The following SLC30A9 variants were observed in gnomAD, a reference collection of about 807,000 sequenced individuals.
SLC30A9 encodes solute carrier family 30 member 9, also known as proton-coupled zinc antiporter SLC30A9, mitochondrial.
Under a neutral mutation model 87.5 loss-of-function variants are expected in SLC30A9, and 58 were observed. The ratio of observed to expected loss-of-function variants is 0.66; its 90% CI spans 0.54 to 0.82. The LOEUF (loss-of-function observed/expected upper bound fraction) is 0.82. SLC30A9 is among the 40% of genes least tolerant of loss of function. The pLI, the probability that SLC30A9 is intolerant of heterozygous loss-of-function variation, is 0.00. For missense variants in SLC30A9, 557 were observed against 679.1 expected, an observed-to-expected ratio of 0.82 and a Z score of 2.00; for synonymous variants, 234 against 233.0, an observed-to-expected ratio of 1.00 and a Z score of -0.04.
chr4:42,005,610 G>A (rs1224731085), intron 2 of SLC30A9, among the ~76,000 whole-genome samples: 2 of 152,170 alleles, frequency 1.3e-5, no homozygotes, highest in African/African-American at 4.8e-5. Context: ...TCTGGAGGTA[G>A]AAATAAGCTC....
rs375743766 is a variant in SLC30A9, at chr4:42,015,561, T to G, written c.275-2550T>G. Among the ~76,000 whole-genome samples, 5 of 152,200 alleles carry G rather than the reference T, an allele frequency of 3.3e-5. No homozygotes were observed. The East Asian group carries it at 9.6e-4, about 29-fold the overall frequency. On this transcript the variant is annotated intron_variant, in intron 2 of 17. Coordinates refer to ENST00000264451, the MANE Select transcript of SLC30A9 (RefSeq NM_006345.4). ...TTCATTCCATGTTTTCAGAGACTTA[T>G]ATTCTGGATCCCCTACTACCCCATC...
chr4:42,029,417 ACCACATATCAGGAC>A lies in SLC30A9; in HGVS notation c.611-5855_611-5842del, dbSNP rs1258133176. Reference sequence around the variant, plus strand: ...AGTGAATTTAAACCCACATATCAGAACCACATATCAGGACCCCCACCAGGATTAACACAGATTTC... The same window carrying A: ...AGTGAATTTAAACCCACATATCAGAACCCCACCAGGATTAACACAGATTTC... On this transcript the variant is annotated intron_variant, in intron 6 of 17. Transcript: ENST00000264451. 6.6e-5 allele frequency: 39 copies of A among 587,160 alleles called. 1 individual carries two copies. Among genetic ancestry groups the A allele is most frequent in the South Asian group, 5.2e-4 (34 of 65,240 alleles). The allele number at this position is 587,160 out of a possible 1,614,324, so 36.4% of individuals were successfully genotyped here. A position where few individuals can be genotyped will look rare whatever the true frequency, so the allele number is the denominator to read the frequency against.
At chr4:42,084,890 T>G (rs1421251975) in intron 17 of SLC30A9, among the ~76,000 whole-genome samples, 2 of 152,218 alleles carry the variant, frequency 1.3e-5, no homozygotes, top group East Asian at 3.8e-4. Context: ...CTACCAAACG[T>G]AAGTCCACTG....
intron 2 of SLC30A9, among the ~76,000 whole-genome samples, chr4:42,003,163 G>A (rs1228843281): frequency 6.6e-6 from 1 of 151,922 alleles, no homozygotes; most frequent in Non-Finnish European, 1.5e-5. Context: ...TTATCTTTTT[G>A]TATTTAATGT....
At chr4:42,022,570 T>TA (rs1716017730) in intron 4 of SLC30A9, among the ~76,000 whole-genome samples, 2 of 152,184 alleles carry the variant, frequency 1.3e-5, no homozygotes, top group African/African-American at 4.8e-5. Context: ...CCATAGCAGA[T>TA]ACAAATACAA....
intron 1 of SLC30A9, among the ~76,000 whole-genome samples, chr4:41,995,452 G>A (rs990717314): frequency 6.6e-5 from 10 of 152,076 alleles, no homozygotes; most frequent in African/African-American, 2.2e-4. Context: ...AGTGCTGAAC[G>A]AGGTGGATGG....
chr4:42,079,376 C>T (rs1238388070), intron 17 of SLC30A9, among the ~76,000 whole-genome samples: 3 of 151,622 alleles, frequency 2.0e-5, no homozygotes. Flanking sequence ...TCACTGTAAC[C>T]TCCGTCTCCT....
At chr4:42,019,224 G>A (rs541269195) in intron 3 of SLC30A9, among the ~76,000 whole-genome samples, 107 of 152,238 alleles carry the variant, frequency 7.0e-4, no homozygotes, top group Non-Finnish European at 2.1e-4. Flanking sequence ...AGAACATGAA[G>A]TGAATAGATG....
At position 42,087,486 on chromosome 4, in the gene SLC30A9, A is replaced by G. The variant is rs1718963604; in HGVS notation, c.*1360A>G. On this transcript the variant is annotated 3_prime_UTR_variant, in exon 18 of 18. Transcript: ENST00000264451. ...AATCTATGAATTATTGCAAATTGTA[A>G]TGCTGGAAACAAAAAATAAATCCTT... 1 of 152,154 alleles carries G rather than the reference A, an allele frequency of 6.6e-6. No homozygotes were observed. The highest frequency in any genetic ancestry group is 2.1e-4 in the South Asian group (1 of 4,832). 9.4% of individuals were successfully genotyped at this position (152,154 alleles called of 1,614,324 possible).
Position 42,049,462 on chromosome 4 carries a change from T to C in SLC30A9, c.823T>C (p.Ser275Pro), listed in dbSNP as rs538043925. The change falls in exon 9 of 18, where the codon TCT (serine) becomes CCT (proline). Residue 275 changes from serine to proline, a missense_variant. Ser to Pro is a moderately conservative substitution (Grantham distance 74). Around this residue, in one of 2 missense-constraint regions of SLC30A9, gnomAD observed 467 missense variants for 529.8 expected, o/e 0.88. Transcript: ENST00000264451. ...GTTCTCAGAAGCTATACACTCATTA[T>C]CTGATACTTGTAATCAGGTGAGGAC... ...SMFSEAIHSL[S>P]DTCNQGLLAL... 1.3e-6 allele frequency: 2 copies of C among 1,584,756 alleles called. No individual in the cohort carries two copies. Among genetic ancestry groups the C allele is most frequent in the South Asian group, 2.3e-5 (2 of 87,510 alleles).
intron 9 of SLC30A9, among the ~76,000 whole-genome samples, chr4:42,058,682 C>T (rs1217546489): frequency 1.3e-5 from 2 of 152,218 alleles, no homozygotes; most frequent in African/African-American, 4.8e-5. Context: ...AAAGGCACGT[C>T]TCACATGGTG....
At chr4:42,060,141 A>G in intron 9 of SLC30A9, 50 bp from the exon 10 acceptor site, 1 of 1,404,546 alleles carries the variant, frequency 7.1e-7, no homozygotes, top group Non-Finnish European at 1.0e-6. Context: ...ACCATATTAT[A>G]CTCTCCATCT....
At chr4:42,021,060 C>A (rs986189831) in intron 4 of SLC30A9, among the ~76,000 whole-genome samples, 2 of 152,044 alleles carry the variant, frequency 1.3e-5, no homozygotes, top group African/African-American at 4.8e-5. Context: ...CCTTTGTGCA[C>A]GAATTAGAGA....
intron 8 of SLC30A9, among the ~76,000 whole-genome samples, chr4:42,046,903 A>G (rs1431513878): frequency 6.6e-6 from 1 of 152,202 alleles, no homozygotes; most frequent in Non-Finnish European, 1.5e-5. Context: ...CCAATGTAAC[A>G]GAACTGAGGC....
chr4:42,052,961 C>T (rs1717441867), intron 9 of SLC30A9, among the ~76,000 whole-genome samples: 1 of 152,158 alleles, frequency 6.6e-6, no homozygotes, highest in African/African-American at 2.4e-5. Context: ...AAAATAGTCA[C>T]AAAGCATTCT....
At chr4:42,049,314 G>C in intron 8 of SLC30A9, 63 bp from the exon 9 acceptor site, 1 of 945,060 alleles carries the variant, frequency 1.1e-6, no homozygotes, top group Non-Finnish European at 1.7e-6. Flanking sequence ...AGCTGATTGA[G>C]TATGCTTTTG....
intron 8 of SLC30A9, among the ~76,000 whole-genome samples, chr4:42,039,365 A>C (rs1003910288): frequency 1.3e-5 from 2 of 152,200 alleles, no homozygotes; most frequent in African/African-American, 4.8e-5. Context: ...TAGCTAAACC[A>C]ACCTGGGTTA....
At chr4:42,069,176 G>C (rs1718202469) in intron 14 of SLC30A9, among the ~76,000 whole-genome samples, 1 of 152,164 alleles carries the variant, frequency 6.6e-6, no homozygotes, top group African/African-American at 2.4e-5. Context: ...CTTAAGAAAA[G>C]TGTGACTTGA....
chr4:42,010,503 A>AACAC (rs1459423622), intron 2 of SLC30A9, among the ~76,000 whole-genome samples: 1 of 152,030 alleles, frequency 6.6e-6, no homozygotes, highest in Non-Finnish European at 1.5e-5. Flanking sequence ...AAATAAAATA[A>AACAC]ACACACACAC....
Sources: allele counts gnomAD v4.1 joint callset (sites outside exome capture counted in the v4.1 genomes callset), GRCh38; gene constraint gnomAD v4.1.1; regional missense constraint gnomAD v4.1.1; transcripts MANE v1.5; gene names NCBI Gene and HGNC (gene_info 2026-07-23, HGNC 2026-07-21).